TAFA1: variants seen among roughly 807,000 people sequenced by gnomAD.
The protein encoded by TAFA1 is TAFA chemokine like family member 1, also known as chemokine-like protein TAFA-1.
Under a neutral mutation model 18.5 loss-of-function variants are expected in TAFA1, and 4 were observed. That is an observed-to-expected ratio of 0.22 (90% confidence interval 0.11 to 0.49). TAFA1 has a LOEUF of 0.49. Among genes scored for constraint, TAFA1 ranks in the 20% least tolerant of loss-of-function variants. The pLI is 0.98. For missense variants in TAFA1, 147 were observed against 169.0 expected, an observed-to-expected ratio of 0.87 and a Z score of 0.72; for synonymous variants, 56 against 55.2, an observed-to-expected ratio of 1.01 and a Z score of -0.06.
intron 3 of TAFA1, among the ~76,000 whole-genome samples, chr3:68,506,516 A>C (rs2665544): frequency 0.8 from 121,401 of 151,904 alleles, 48,839 homozygotes; most frequent in African/African-American, 0.89. Flanking sequence ...TCAGTTTACA[A>C]TCCAGGTTTG....
chr3:68,094,760 AC>A (rs11296012), intron 2 of TAFA1, among the ~76,000 whole-genome samples: 2,985 of 152,270 alleles, frequency 0.02, 90 homozygotes, highest in African/African-American at 0.068. Flanking sequence ...ACAGTGTTGT[AC>A]TTATATCACA....
chr3:68,040,610 T>C (rs1405417664), intron 2 of TAFA1, among the ~76,000 whole-genome samples: 11 of 152,202 alleles, frequency 7.2e-5, no homozygotes, highest in Admixed American at 7.2e-4. Flanking sequence ...TCTAGTCCAG[T>C]GGCTCAGGAA....
intron 2 of TAFA1, among the ~76,000 whole-genome samples, chr3:68,116,535 A>G (rs139944640): frequency 1.3e-5 from 2 of 152,276 alleles, no homozygotes; most frequent in East Asian, 3.9e-4. Flanking sequence ...ATTATTCCCA[A>G]CCATAGTTAT....
intron 2 of TAFA1, among the ~76,000 whole-genome samples, chr3:68,235,124 C>T (rs979262071): frequency 1.3e-5 from 2 of 151,054 alleles, no homozygotes; most frequent in African/African-American, 4.8e-5. Context: ...GGGCTGCTCT[C>T]TAAGGATCTT....
At chr3:68,195,661 AC>A (rs2107024933) in intron 2 of TAFA1, among the ~76,000 whole-genome samples, 2 of 151,726 alleles carry the variant, frequency 1.3e-5, no homozygotes, top group African/African-American at 4.8e-5. Flanking sequence ...ATTCAGCCCA[AC>A]TTGTCCACCA....
At chr3:68,369,305 C>T (rs2069634207) in intron 2 of TAFA1, among the ~76,000 whole-genome samples, 1 of 152,114 alleles carries the variant, frequency 6.6e-6, no homozygotes. Context: ...TTGACAAATC[C>T]TTGGATCGGA....
intron 2 of TAFA1, among the ~76,000 whole-genome samples, chr3:68,387,299 C>T (rs938679335): frequency 7.9e-5 from 12 of 152,074 alleles, no homozygotes; most frequent in Non-Finnish European, 1.6e-4. Flanking sequence ...GTCTATAGCT[C>T]AGTTTGCAAA....
chr3:68,475,546 A>C (rs551682121), intron 3 of TAFA1, among the ~76,000 whole-genome samples: 1 of 152,202 alleles, frequency 6.6e-6, no homozygotes, highest in East Asian at 1.9e-4. Flanking sequence ...CATTTTCTTA[A>C]TCCAGTCTAT....
chr3:68,226,421 A>G (rs532189422), intron 2 of TAFA1, among the ~76,000 whole-genome samples: 1 of 152,204 alleles, frequency 6.6e-6, no homozygotes, highest in African/African-American at 2.4e-5. Context: ...TACGTGAATT[A>G]TCAATTCAAA....
chr3:68,274,001 C>T (rs889318449), intron 2 of TAFA1, among the ~76,000 whole-genome samples: 1 of 152,132 alleles, frequency 6.6e-6, no homozygotes, highest in African/African-American at 2.4e-5. Flanking sequence ...TTGCTCTTAC[C>T]AGCTTTCTTG....
chr3:68,057,122 A>G (rs1289308735), intron 2 of TAFA1, among the ~76,000 whole-genome samples: 2 of 152,188 alleles, frequency 1.3e-5, no homozygotes, highest in African/African-American at 4.8e-5. Context: ...AGGGCAGAGC[A>G]TCCTCTCCTG....
rs535360856 is a variant in TAFA1, at chr3:68,010,248, G to A, written c.118+3504G>A. Among the ~76,000 whole-genome samples, 257 of 152,188 alleles carry A rather than the reference G, an allele frequency of 1.7e-3. 2 individuals carry two copies. The highest frequency in any genetic ancestry group is 6.0e-3 in the African/African-American group (251 of 41,494). The stretch of plus-strand genomic sequence containing the variant: ...CTCCCTCTGTTCCCCAGCCTCTTAC[G>A]GGCACTTTGGCTGTTCCTTGCATGG... On this transcript the variant is annotated intron_variant, in intron 2 of 4. Coordinates refer to ENST00000478136, the MANE Select transcript of TAFA1 (RefSeq NM_213609.4).
intron 3 of TAFA1, among the ~76,000 whole-genome samples, chr3:68,491,039 C>T (rs13089247): frequency 0.19 from 29,343 of 151,790 alleles, 2,954 homozygotes; most frequent in Middle Eastern, 0.21. Flanking sequence ...GGATTTTATC[C>T]TCTTGCCCAG....
At chr3:68,067,006 C>G (rs916284482) in intron 2 of TAFA1, among the ~76,000 whole-genome samples, 1 of 152,090 alleles carries the variant, frequency 6.6e-6, no homozygotes, top group South Asian at 2.1e-4. Context: ...TCAAGCAAGA[C>G]GGCCAGCTCC....
intron 2 of TAFA1, among the ~76,000 whole-genome samples, chr3:68,017,013 G>C (rs944635781): frequency 5.9e-5 from 9 of 152,178 alleles, no homozygotes; most frequent in Non-Finnish European, 8.8e-5. Context: ...GTCAAGGAAA[G>C]TTTGAACACC....
chr3:68,175,431 G>A (rs2066110941), intron 2 of TAFA1, among the ~76,000 whole-genome samples: 1 of 152,182 alleles, frequency 6.6e-6, no homozygotes, highest in Non-Finnish European at 1.5e-5. Flanking sequence ...AACCACAAGG[G>A]CGGAGTTGTC....
chr3:68,387,063 T>C (rs984592952), intron 2 of TAFA1, among the ~76,000 whole-genome samples: 4 of 151,962 alleles, frequency 2.6e-5, no homozygotes, highest in African/African-American at 9.7e-5. Context: ...AATTTTATTT[T>C]TTTTTTTGGT....
intron 3 of TAFA1, among the ~76,000 whole-genome samples, chr3:68,437,208 T>G (rs1028266302): frequency 1.3e-5 from 2 of 152,122 alleles, no homozygotes; most frequent in Non-Finnish European, 2.9e-5. Flanking sequence ...GAAACAAGAT[T>G]GGTTACAAGA....
At chr3:68,070,127 TCC>T (rs2064734494) in intron 2 of TAFA1, among the ~76,000 whole-genome samples, 1 of 152,168 alleles carries the variant, frequency 6.6e-6, no homozygotes. Flanking sequence ...TACATTTCCT[TCC>T]ACACTGCATT....
Sources: gnomAD v4.1 joint callset for allele counts (sites outside exome capture counted in the v4.1 genomes callset) on GRCh38, gnomAD v4.1.1 for gene constraint, MANE v1.5 for transcripts, NCBI Gene and HGNC (gene_info 2026-07-23, HGNC 2026-07-21) for gene names.